ULK4: variants seen among roughly 807,000 people sequenced by gnomAD.
The protein encoded by ULK4 is inactive serine/threonine-protein kinase ULK4.
A neutral mutation model predicts 160.6 loss-of-function variants in ULK4; 133 were observed. That is an observed-to-expected ratio of 0.83 (90% CI 0.72 to 0.96). ULK4 has a LOEUF of 0.96. Among genes scored for constraint, ULK4 ranks in the 40% least tolerant of loss-of-function variants. The pLI, the probability that ULK4 is intolerant of heterozygous loss-of-function variation, is 0.00. For synonymous variants in ULK4, 534 were observed against 539.8 expected (o/e 0.99, Z 0.15); for missense variants, 1,580 against 1,499.5 (o/e 1.05, Z -0.89).
At chr3:41,582,541 A>T (rs1353168679) in intron 31 of ULK4, among the ~76,000 whole-genome samples, 1 of 152,212 alleles carries the variant, frequency 6.6e-6, no homozygotes, top group Non-Finnish European at 1.5e-5. Flanking sequence ...CATAGAGCCT[A>T]TGCTGCCAGC....
At chr3:41,945,514 C>T (rs974899028) in intron 2 of ULK4, among the ~76,000 whole-genome samples, 1 of 152,176 alleles carries the variant, frequency 6.6e-6, no homozygotes, top group South Asian at 2.1e-4. Context: ...CTCTCCTTTG[C>T]TGGGTCCTCC....
chr3:41,787,181 C>T (rs2040021610), intron 21 of ULK4, among the ~76,000 whole-genome samples: 1 of 152,126 alleles, frequency 6.6e-6, no homozygotes, highest in Admixed American at 6.5e-5. Flanking sequence ...TGGCAAGGTG[C>T]CCCAGCATTA....
intron 32 of ULK4, among the ~76,000 whole-genome samples, chr3:41,491,838 G>A (rs976864545): frequency 1.3e-5 from 2 of 151,422 alleles, no homozygotes; most frequent in Non-Finnish European, 2.9e-5. Context: ...CCATTAACTC[G>A]TCATTTAGCA....
chr3:41,803,007 A>C (rs2040512141), intron 19 of ULK4, among the ~76,000 whole-genome samples: 1 of 152,032 alleles, frequency 6.6e-6, no homozygotes, highest in Non-Finnish European at 1.5e-5. Flanking sequence ...TCTACCAAAA[A>C]CACAAAAATT....
chr3:41,684,737 T>A (rs982053956), intron 27 of ULK4, among the ~76,000 whole-genome samples: 1 of 152,248 alleles, frequency 6.6e-6, no homozygotes, highest in East Asian at 1.9e-4. Flanking sequence ...TACCATTTGC[T>A]TATATTATAA....
intron 4 of ULK4, among the ~76,000 whole-genome samples, chr3:41,935,213 T>A (rs6778824): frequency 0.17 from 142 of 822 alleles, 1 homozygote; most frequent in African/African-American, 0.2. Flanking sequence ...TTATTTATTT[T>A]TTTTTTTTTT....
chr3:41,812,964 G>A (rs2040860964), intron 19 of ULK4, among the ~76,000 whole-genome samples: 1 of 152,196 alleles, frequency 6.6e-6, no homozygotes, highest in Admixed American at 6.5e-5. Flanking sequence ...ATAGCCCCTA[G>A]AGAATTTCCA....
chr3:41,551,661 G>C (rs902754618), intron 32 of ULK4, among the ~76,000 whole-genome samples: 2 of 151,984 alleles, frequency 1.3e-5, no homozygotes, highest in Non-Finnish European at 2.9e-5. Context: ...TCCAGGACCA[G>C]ATCACTTCAC....
At chr3:41,700,683 A>G (rs1044410599) in intron 27 of ULK4, among the ~76,000 whole-genome samples, 2 of 152,204 alleles carry the variant, frequency 1.3e-5, no homozygotes, top group African/African-American at 4.8e-5. Flanking sequence ...AGGATAAACA[A>G]TACTCAGGCC....
intron 22 of ULK4, among the ~76,000 whole-genome samples, chr3:41,735,912 A>G (rs1377621555): frequency 2.2e-4 from 29 of 134,014 alleles, no homozygotes; most frequent in South Asian, 1.2e-3. Flanking sequence ...TCATTGTTCA[A>G]TTCCCACCTA....
At chr3:41,528,845 AAAG>A (rs992895871) in intron 32 of ULK4, among the ~76,000 whole-genome samples, 3 of 152,126 alleles carry the variant, frequency 2.0e-5, no homozygotes, top group Admixed American at 6.6e-5. Flanking sequence ...GTTGTCCAAG[AAAG>A]AAGGCATATC....
chr3:41,774,434 A>G (rs1461150481), intron 21 of ULK4, among the ~76,000 whole-genome samples: 3 of 150,686 alleles, frequency 2.0e-5, no homozygotes, highest in Non-Finnish European at 4.4e-5. Context: ...ACACTTCTCA[A>G]AAGAAGACAT....
At chr3:41,818,859 G>A (rs373969422) in intron 19 of ULK4, among the ~76,000 whole-genome samples, 85 of 152,344 alleles carry the variant, frequency 5.6e-4, no homozygotes, top group African/African-American at 1.7e-3. Context: ...ATAGTTACAC[G>A]TGGGAGCTAC....
intron 32 of ULK4, among the ~76,000 whole-genome samples, chr3:41,468,065 C>G (rs899922519): frequency 3.9e-5 from 6 of 152,316 alleles, no homozygotes; most frequent in African/African-American, 1.4e-4. Context: ...AGCACTTGCT[C>G]TTTTCCTGGC....
rs138046194 is a variant in ULK4 at position 41,922,758 on chromosome 3, C to G, written c.542-2940G>C. Among the ~76,000 whole-genome samples, 94 of 152,096 alleles carry G rather than the reference C, an allele frequency of 6.2e-4. No homozygotes were observed. In the Middle Eastern group the frequency reaches 0.014, roughly 22 times the overall value. ...GTCTATGAGAAAAAAATGGGAAAAT[C>G]TGGTCAGATTGCAATGTACGATGGA... On this transcript the variant is annotated intron_variant, in intron 5 of 36. Coordinates refer to ENST00000301831, the MANE Select transcript of ULK4 (RefSeq NM_017886.4).
At chr3:41,636,678 C>T (rs909461865) in intron 30 of ULK4, among the ~76,000 whole-genome samples, 2 of 151,626 alleles carry the variant, frequency 1.3e-5, no homozygotes, top group Admixed American at 6.6e-5. Context: ...CATATGTATA[C>T]ATGTGCCATG....
chr3:41,642,178 C>A (rs147315190), intron 30 of ULK4, among the ~76,000 whole-genome samples: 4 of 152,032 alleles, frequency 2.6e-5, no homozygotes, highest in Admixed American at 6.5e-5. Context: ...CCAGCCAATA[C>A]GTAACAGTTT....
At chr3:41,726,718 T>C (rs2037663470) in intron 22 of ULK4, among the ~76,000 whole-genome samples, 1 of 152,152 alleles carries the variant, frequency 6.6e-6, no homozygotes, top group East Asian at 1.9e-4. Context: ...TGGGTTCAAG[T>C]GATTCTCCTG....
intron 35 of ULK4, among the ~76,000 whole-genome samples, chr3:41,375,778 A>T (rs2081476020): frequency 6.7e-6 from 1 of 150,342 alleles, no homozygotes; most frequent in Admixed American, 6.6e-5. Context: ...AAACTGACAA[A>T]TGGGATCTAA....
Sources: gnomAD v4.1 joint callset for allele counts (sites outside exome capture counted in the v4.1 genomes callset) on GRCh38, gnomAD v4.1.1 for gene constraint, MANE v1.5 for transcripts, NCBI Gene and HGNC (gene_info 2026-07-23, HGNC 2026-07-21) for gene names.